LRP1B: variants seen among roughly 807,000 people sequenced by gnomAD.
LRP1B encodes the protein LDL receptor related protein 1B, also known as low-density lipoprotein receptor-related protein 1B.
Under a neutral mutation model 556.6 loss-of-function variants are expected in LRP1B, and 217 were observed. That is an observed-to-expected ratio of 0.39 (90% CI 0.35 to 0.44). The LOEUF (loss-of-function observed/expected upper bound fraction) is 0.44, where lower values mean the gene tolerates loss of function less well. LRP1B is among the 20% of genes least tolerant of loss of function. The probability of loss-of-function intolerance (pLI) is 1.00; values close to 1 mark genes in which losing one functional copy is unlikely to be tolerated. For synonymous variants in LRP1B, 2,047 were observed against 1,865.8 expected, an observed-to-expected ratio of 1.10 and a Z score of -2.50; for missense variants, 5,053 against 5,620.8, an observed-to-expected ratio of 0.90 and a Z score of 3.23.
intron 2 of LRP1B, among the ~76,000 whole-genome samples, chr2:141,540,494 T>A (rs576961354): frequency 6.6e-6 from 1 of 152,196 alleles, no homozygotes; most frequent in South Asian, 2.1e-4. Context: ...AAGAGCATAA[T>A]TTTAATGACA....
intron 1 of LRP1B, among the ~76,000 whole-genome samples, chr2:141,997,148 G>C (rs1702514789): frequency 6.6e-6 from 1 of 151,952 alleles, no homozygotes; most frequent in Non-Finnish European, 1.5e-5. Flanking sequence ...CAAACTGAAA[G>C]GGCAATGGCA....
At chr2:141,991,811 C>T (rs1391521952) in intron 1 of LRP1B, among the ~76,000 whole-genome samples, 1 of 152,054 alleles carries the variant, frequency 6.6e-6, no homozygotes, top group Non-Finnish European at 1.5e-5. Context: ...TCAACAAACA[C>T]TTGTCCCTAT....
chr2:140,677,474 T>C (rs1254290590), intron 41 of LRP1B, among the ~76,000 whole-genome samples: 1 of 152,006 alleles, frequency 6.6e-6, no homozygotes, highest in Non-Finnish European at 1.5e-5. Context: ...AAAAAAACCA[T>C]ACACAATGGT....
intron 2 of LRP1B, among the ~76,000 whole-genome samples, chr2:141,641,898 A>T (rs1166250604): frequency 6.6e-6 from 1 of 152,120 alleles, no homozygotes; most frequent in Admixed American, 6.6e-5. Context: ...TTTTACTTTG[A>T]TATGAAGCCA....
chr2:140,321,480 C>CAGT (rs977579412), intron 82 of LRP1B, among the ~76,000 whole-genome samples: 1 of 151,396 alleles, frequency 6.6e-6, no homozygotes, highest in Non-Finnish European at 1.5e-5. Flanking sequence ...GTGGTAATAG[C>CAGT]AGTAGTAGTA....
intron 7 of LRP1B, among the ~76,000 whole-genome samples, chr2:141,108,495 C>T (rs926072957): frequency 1.3e-5 from 2 of 151,564 alleles, no homozygotes; most frequent in African/African-American, 4.8e-5. Context: ...ATTACAGGTG[C>T]CTGCCACCAT....
At chr2:140,738,545 G>T (rs960954167) in intron 35 of LRP1B, among the ~76,000 whole-genome samples, 3 of 152,088 alleles carry the variant, frequency 2.0e-5, no homozygotes, top group African/African-American at 2.4e-5. Flanking sequence ...GACTGAATGT[G>T]GTATAAATAC....
chr2:141,174,913 G>A (rs1372219959), intron 7 of LRP1B, among the ~76,000 whole-genome samples: 2 of 152,054 alleles, frequency 1.3e-5, no homozygotes, highest in Non-Finnish European at 2.9e-5. Context: ...CCCAGGCAGA[G>A]GTGGTTTTAG....
At chr2:141,944,139 C>T (rs995059337) in intron 1 of LRP1B, among the ~76,000 whole-genome samples, 2 of 152,120 alleles carry the variant, frequency 1.3e-5, no homozygotes, top group African/African-American at 4.8e-5. Flanking sequence ...GTGACAATGA[C>T]AGATCAAAGG....
At chr2:142,083,193 A>T (rs879685789) in intron 1 of LRP1B, among the ~76,000 whole-genome samples, 2 of 152,204 alleles carry the variant, frequency 1.3e-5, no homozygotes, top group Non-Finnish European at 2.9e-5. Context: ...CAAATGACCA[A>T]GGAGTTTATG....
chr2:142,123,462 G>A (rs567758620), intron 1 of LRP1B, among the ~76,000 whole-genome samples: 11 of 152,012 alleles, frequency 7.2e-5, no homozygotes, highest in African/African-American at 2.4e-4. Context: ...ACCTAAAGAA[G>A]AAACATATTC....
chr2:141,633,966 C>T lies in LRP1B; in HGVS notation c.206-153433G>A, dbSNP rs550359639. Among the ~76,000 whole-genome samples, 34 of 151,896 alleles carry T rather than the reference C, an allele frequency of 2.2e-4. 1 individual carries two copies. In the South Asian group the frequency reaches 3.7e-3, roughly 17 times the overall value. On this transcript the variant is annotated intron_variant, in intron 2 of 90. Coordinates refer to ENST00000389484, the MANE Select transcript of LRP1B (RefSeq NM_018557.3). ...TTTAAGCCCTTTGATCTTGATTCTA[C>T]GGAGATTAACTATAGGGCTTTGGCT...
chr2:142,034,286 A>T (rs1703802013), intron 1 of LRP1B, among the ~76,000 whole-genome samples: 1 of 151,752 alleles, frequency 6.6e-6, no homozygotes, highest in South Asian at 2.1e-4. Flanking sequence ...TGCATTTTCG[A>T]ATAAACTATT....
chr2:141,864,373 A>T (rs1028743926), intron 1 of LRP1B, among the ~76,000 whole-genome samples: 32 of 152,200 alleles, frequency 2.1e-4, no homozygotes, highest in Admixed American at 2.0e-3. Flanking sequence ...TTGATAAAAG[A>T]TGTTCATCAT....
intron 20 of LRP1B, among the ~76,000 whole-genome samples, chr2:140,936,358 A>G (rs1406764629): frequency 0.011 from 1,377 of 123,020 alleles, 37 homozygotes; most frequent in African/African-American, 0.046. Context: ...AAAAAAAAAA[A>G]AAAAGAAAGG....
chr2:142,043,509 A>G (rs768830282), intron 1 of LRP1B, among the ~76,000 whole-genome samples: 16 of 151,642 alleles, frequency 1.1e-4, no homozygotes, highest in Non-Finnish European at 2.4e-4. Context: ...AGAAGAGAAA[A>G]AAATAGTGTT....
intron 89 of LRP1B, among the ~76,000 whole-genome samples, chr2:140,235,403 T>C (rs985521548): frequency 6.6e-6 from 1 of 151,202 alleles, no homozygotes; most frequent in Non-Finnish European, 1.5e-5. Flanking sequence ...GCACCATGCA[T>C]ATATCAAACG....
chr2:141,145,567 C>T (rs537527500), intron 7 of LRP1B, among the ~76,000 whole-genome samples: 3 of 144,452 alleles, frequency 2.1e-5, no homozygotes, highest in South Asian at 4.3e-4. Flanking sequence ...GAGTTTTGCT[C>T]TTGTTGCCCA....
At chr2:141,365,958 CCA>C (rs1689020723) in intron 3 of LRP1B, among the ~76,000 whole-genome samples, 1 of 152,084 alleles carries the variant, frequency 6.6e-6, no homozygotes, top group Non-Finnish European at 1.5e-5. Context: ...CAGGCATGCG[CCA>C]CCGCACCCGG....
Sources: allele counts gnomAD v4.1 joint callset (sites outside exome capture counted in the v4.1 genomes callset), GRCh38; gene constraint gnomAD v4.1.1; transcripts MANE v1.5; gene names NCBI Gene and HGNC (gene_info 2026-07-23, HGNC 2026-07-21).